PCDH15: variants seen among roughly 807,000 people sequenced by gnomAD.
PCDH15 encodes protocadherin-15.
Under a neutral mutation model 178.5 loss-of-function variants are expected in PCDH15, and 129 were observed. The observed-to-expected ratio is 0.72, with a 90% CI of 0.63 to 0.84. The LOEUF is 0.84. Ranked by LOEUF, PCDH15 falls within the 40% of genes least tolerant of loss-of-function variation. PCDH15 has a pLI of 0.00. For missense variants in PCDH15, 2,230 were observed against 2,099.9 expected (o/e 1.06, Z -1.21); for synonymous variants, 800 against 732.0 (o/e 1.09, Z -1.50).
At chr10:54,401,641 A>C (rs1232369800) in intron 3 of PCDH15, among the ~76,000 whole-genome samples, 1 of 151,862 alleles carries the variant, frequency 6.6e-6, no homozygotes, top group Non-Finnish European at 1.5e-5. Flanking sequence ...ATCTAAACAA[A>C]GGTATAATCT....
intron 2 of PCDH15, among the ~76,000 whole-genome samples, chr10:55,071,840 C>G (rs1287774667): frequency 6.6e-6 from 1 of 151,996 alleles, no homozygotes; most frequent in Non-Finnish European, 1.5e-5. Flanking sequence ...TGACCACATA[C>G]TTGGAAGTAA....
intron 28 of PCDH15, 117 bp from the exon 29 acceptor site, chr10:53,840,613 G>T: frequency 1.0e-6 from 1 of 977,834 alleles, no homozygotes; most frequent in Non-Finnish European, 1.6e-6. Flanking sequence ...CTAGTTTTTT[G>T]TTAATGTTTA....
chr10:53,983,233 T>C (rs1198012454), intron 21 of PCDH15, among the ~76,000 whole-genome samples: 9 of 145,840 alleles, frequency 6.2e-5, no homozygotes, highest in Admixed American at 6.2e-4. Context: ...TGTGTGTGTT[T>C]GTGTGTGTGT....
At chr10:55,444,431 G>A (rs1336475290) in intron 2 of PCDH15, among the ~76,000 whole-genome samples, 1 of 151,830 alleles carries the variant, frequency 6.6e-6, no homozygotes, top group African/African-American at 2.4e-5. Context: ...ACTAATAATT[G>A]GGATGGCCTG....
intron 18 of PCDH15, among the ~76,000 whole-genome samples, chr10:54,056,927 C>T (rs1165062165): frequency 2.0e-5 from 3 of 152,246 alleles, no homozygotes; most frequent in South Asian, 2.1e-4. Flanking sequence ...AAAAGGGCTA[C>T]AGGCCCCACG....
intron 2 of PCDH15, among the ~76,000 whole-genome samples, chr10:55,373,947 G>C (rs1254917565): frequency 4.6e-5 from 7 of 151,672 alleles, no homozygotes; most frequent in Admixed American, 3.3e-4. Flanking sequence ...GTGGTGGGGT[G>C]GGGGGCTGGG....
intron 11 of PCDH15, among the ~76,000 whole-genome samples, chr10:54,193,127 T>C (rs1022998778): frequency 1.3e-5 from 2 of 152,216 alleles, no homozygotes; most frequent in Non-Finnish European, 2.9e-5. Context: ...ATAAGTAGTG[T>C]TTCTCAAAGG....
In PCDH15 at chr10:54,775,903, TA is replaced by T. The variant is rs540817419; in HGVS notation, c.-29+25021del. Among the ~76,000 whole-genome samples the T allele has an allele frequency of 2.2e-3, 334 of 151,752 alleles. 2 individuals carry two copies. The highest frequency in any genetic ancestry group is 6.5e-3 in the African/African-American group (269 of 41,412). On this transcript the variant is annotated intron_variant, in intron 1 of 37. Transcript: ENST00000644397. ...TCCGTCTCAAACAACAACAAACACA[TA>T]AAAAAAACAAATATCTCCACATCCT... is the stretch of plus-strand genomic sequence containing the variant.
intron 1 of PCDH15, among the ~76,000 whole-genome samples, chr10:55,310,254 C>A (rs943058582): frequency 6.6e-6 from 1 of 152,078 alleles, no homozygotes; most frequent in South Asian, 2.1e-4. Context: ...GGAAATATTT[C>A]TATTTTATTA....
At chr10:53,969,158 C>T (rs190110697) in intron 21 of PCDH15, among the ~76,000 whole-genome samples, 1 of 152,020 alleles carries the variant, frequency 6.6e-6, no homozygotes, top group Non-Finnish European at 1.5e-5. Context: ...TAGAGAAGAC[C>T]TTAAATGACC....
chr10:54,910,812 C>T (rs1288559548), intron 2 of PCDH15, among the ~76,000 whole-genome samples: 1 of 152,092 alleles, frequency 6.6e-6, no homozygotes, highest in Non-Finnish European at 1.5e-5. Flanking sequence ...AAACAAGTAA[C>T]AAACCAGTAT....
intron 21 of PCDH15, among the ~76,000 whole-genome samples, chr10:53,986,804 G>A (rs951186029): frequency 2.0e-5 from 3 of 152,216 alleles, no homozygotes; most frequent in Non-Finnish European, 4.4e-5. Flanking sequence ...GTGGTTGTCA[G>A]GGGCTAAGGG....
chr10:54,088,270 T>C (rs992315710), intron 16 of PCDH15, among the ~76,000 whole-genome samples: 1 of 152,208 alleles, frequency 6.6e-6, no homozygotes, highest in Non-Finnish European at 1.5e-5. Flanking sequence ...CAAATCTCTT[T>C]ACAGTTTTAA....
chr10:55,155,493 A>AG lies in PCDH15; in HGVS notation c.-80+11082_-80+11083insC, dbSNP rs1397782994. Among the ~76,000 whole-genome samples the AG allele has an allele frequency of 4.0e-5, 6 of 151,006 alleles. 1 individual carries two copies. Among genetic ancestry groups the AG allele is most frequent in the Non-Finnish European group, 5.9e-5 (4 of 67,756 alleles). ...GAGCTTTCTGGCAACCAATGCAAAA[A>AG]AAAAAAAAAAGCAATAATAATAAAT... On this transcript the variant is annotated intron_variant, in intron 2 of 5. Transcript: ENST00000458638.
intron 2 of PCDH15, among the ~76,000 whole-genome samples, chr10:54,906,326 C>A (rs1336621048): frequency 6.6e-6 from 1 of 151,906 alleles, no homozygotes; most frequent in African/African-American, 2.4e-5. Flanking sequence ...ACTCAGAAAT[C>A]GATTAGATTA....
chr10:53,821,506 A>T (rs1376465659), intron 32 of PCDH15: 1 of 1,030,986 alleles, frequency 9.7e-7, no homozygotes, highest in Non-Finnish European at 1.2e-6. Flanking sequence ...CAAAAACTAA[A>T]TGTAAATGTT....
chr10:54,312,720 G>A (rs1041474931), intron 8 of PCDH15, among the ~76,000 whole-genome samples: 5 of 151,982 alleles, frequency 3.3e-5, no homozygotes. Flanking sequence ...TATGAAAGTG[G>A]CACCCAGCCC....
chr10:54,720,234 T>C lies in PCDH15; in HGVS notation c.-28-55944A>G, dbSNP rs559559261. 8.2e-4 allele frequency among the ~76,000 whole-genome samples: 125 copies of C among 152,146 alleles called. 1 individual carries two copies. Among genetic ancestry groups the C allele is most frequent in the South Asian group, 1.5e-3 (7 of 4,826 alleles). ...AATATAAATCATTCCACTATAAAGA[T>C]ACATGCACAAGCATGTTTATTGCAG... On this transcript the variant is annotated intron_variant, in intron 1 of 37. Transcript: ENST00000644397.
intron 1 of PCDH15, among the ~76,000 whole-genome samples, chr10:55,304,563 C>G (rs1047606684): frequency 2.6e-4 from 40 of 152,062 alleles, no homozygotes; most frequent in African/African-American, 9.7e-4. Flanking sequence ...TTATAATCTA[C>G]TTTTGACTCA....
Sources: gnomAD v4.1 joint callset for allele counts (sites outside exome capture counted in the v4.1 genomes callset) on GRCh38, gnomAD v4.1.1 for gene constraint, MANE v1.5 for transcripts, NCBI Gene and HGNC (gene_info 2026-07-23, HGNC 2026-07-21) for gene names.